NDUFAF6: variants seen among roughly 807,000 people sequenced by gnomAD.
NDUFAF6 encodes the protein NADH dehydrogenase (ubiquinone) complex I, assembly factor 6.
A neutral mutation model predicts 40.8 loss-of-function variants in NDUFAF6; 45 were observed. The ratio of observed to expected loss-of-function variants is 1.10; its 90% CI spans 0.87 to 1.42. The LOEUF (loss-of-function observed/expected upper bound fraction) is 1.42. Ranked by LOEUF, NDUFAF6 falls within the 40% of genes most tolerant of loss-of-function variation. The pLI is 0.00. For missense variants in NDUFAF6, 435 were observed against 418.5 expected, an observed-to-expected ratio of 1.04 and a Z score of -0.34; for synonymous variants, 185 against 155.9, an observed-to-expected ratio of 1.19 and a Z score of -1.39.
intron 8 of NDUFAF6, 30 bp from the exon 9 acceptor site, chr8:95,057,779 A>G (rs1311874837): frequency 1.3e-6 from 2 of 1,518,330 alleles, no homozygotes; most frequent in Admixed American, 1.8e-5. Flanking sequence ...TCATTTTATG[A>G]TCTGGTGATC....
chr8:95,037,021 A>G (rs1008478781), intron 3 of NDUFAF6, among the ~76,000 whole-genome samples: 6 of 152,220 alleles, frequency 3.9e-5, no homozygotes, highest in African/African-American at 1.4e-4. Context: ...GATTAAATAG[A>G]GGGAACAATG....
intron 1 of NDUFAF6, among the ~76,000 whole-genome samples, chr8:94,898,381 C>G (rs187553456): frequency 6.6e-6 from 1 of 152,268 alleles, no homozygotes; most frequent in African/African-American, 2.4e-5. Flanking sequence ...ATGACCTTAA[C>G]AGTTTTGAGG....
intron 1 of NDUFAF6, among the ~76,000 whole-genome samples, chr8:94,976,492 A>G (rs1359662783): frequency 9.2e-6 from 1 of 108,746 alleles, no homozygotes; most frequent in Non-Finnish European, 1.9e-5. Flanking sequence ...ACAGAGCAAC[A>G]CTCCATCTCA....
intron 1 of NDUFAF6, among the ~76,000 whole-genome samples, chr8:94,944,707 T>C (rs1010704360): frequency 2.6e-5 from 4 of 152,168 alleles, no homozygotes; most frequent in African/African-American, 9.7e-5. Context: ...AGAATGGAGT[T>C]CCTGGGGAGG....
At chr8:95,056,180 AT>A (rs1353995357) in intron 8 of NDUFAF6, among the ~76,000 whole-genome samples, 1 of 151,370 alleles carries the variant, frequency 6.6e-6, no homozygotes, top group African/African-American at 2.4e-5. Flanking sequence ...TAATATTAAT[AT>A]TTCATTGTAC....
chr8:95,043,065 T>G (rs1830316780), intron 4 of NDUFAF6, among the ~76,000 whole-genome samples: 1 of 151,854 alleles, frequency 6.6e-6, no homozygotes. Context: ...TCTTAATGAC[T>G]TTTAGGTTAG....
chr8:94,897,660 A>C (rs545000692), intron 1 of NDUFAF6, among the ~76,000 whole-genome samples: 116 of 147,546 alleles, frequency 7.9e-4, no homozygotes, highest in Non-Finnish European at 1.6e-3. Flanking sequence ...GCACAGGCTT[A>C]AAAAAAAAAA....
chr8:94,964,305 T>G (rs973033443), intron 1 of NDUFAF6, among the ~76,000 whole-genome samples: 1 of 151,986 alleles, frequency 6.6e-6, no homozygotes, highest in African/African-American at 2.4e-5. Flanking sequence ...GGCACATGCC[T>G]GTAGTCCCAG....
intron 9 of NDUFAF6, chr8:95,067,784 T>A (rs1023069412): frequency 6.6e-6 from 1 of 152,006 alleles, no homozygotes; most frequent in African/African-American, 2.4e-5. Context: ...GGGACTGCCT[T>A]GTTACAGCTG....
intron 7 of NDUFAF6, among the ~76,000 whole-genome samples, chr8:95,050,784 T>C (rs1831337526): frequency 6.6e-6 from 1 of 152,168 alleles, no homozygotes; most frequent in Non-Finnish European, 1.5e-5. Context: ...TAGATGTTTA[T>C]GTGTATATAC....
At chr8:94,943,816 A>C (rs1176467428) in intron 1 of NDUFAF6, among the ~76,000 whole-genome samples, 1 of 152,202 alleles carries the variant, frequency 6.6e-6, no homozygotes, top group African/African-American at 2.4e-5. Context: ...GGTAAACAGG[A>C]AGTGTCACTT....
intron 2 of NDUFAF6, among the ~76,000 whole-genome samples, chr8:95,101,731 C>T (rs1809655687): frequency 6.6e-6 from 1 of 152,114 alleles, no homozygotes; most frequent in African/African-American, 2.4e-5. Context: ...TTGTTCATTC[C>T]CCTTTTGTGG....
intron 2 of NDUFAF6, among the ~76,000 whole-genome samples, chr8:94,992,650 A>C (rs937598141): frequency 1.3e-5 from 2 of 152,186 alleles, no homozygotes; most frequent in African/African-American, 4.8e-5. Flanking sequence ...TCAATTAATA[A>C]TTGTTAAATC....
intron 4 of NDUFAF6, among the ~76,000 whole-genome samples, chr8:95,110,088 C>T (rs1390545930): frequency 6.6e-6 from 1 of 152,196 alleles, no homozygotes; most frequent in Admixed American, 6.5e-5. Context: ...AATAATGGTG[C>T]TCTTAGTCCT....
At chr8:95,117,002 T>C (rs1394496868), downstream of NDUFAF6, among the ~76,000 whole-genome samples, 3 of 152,208 alleles carry the variant, frequency 2.0e-5, no homozygotes, top group African/African-American at 7.2e-5. Flanking sequence ...TGTTTCCTTG[T>C]TCATGACAGC....
chr8:94,897,001 C>A (rs1295431149), intron 1 of NDUFAF6, among the ~76,000 whole-genome samples: 1 of 152,162 alleles, frequency 6.6e-6, no homozygotes, highest in East Asian at 1.9e-4. Context: ...GCAGAAGTTG[C>A]CTCCCTTTTG....
chr8:94,923,846 A>AT (rs35262371), intron 1 of NDUFAF6, among the ~76,000 whole-genome samples: 111,898 of 143,414 alleles, frequency 0.78, 44,872 homozygotes, highest in East Asian at 0.89. Context: ...CGCCCGACTA[A>AT]TTTTTTTTTT....
At chr8:95,099,972 T>A (rs187947475), upstream of NDUFAF6, among the ~76,000 whole-genome samples, 1 of 152,200 alleles carries the variant, frequency 6.6e-6, no homozygotes, top group Admixed American at 6.5e-5. Flanking sequence ...TGCGCAGGTG[T>A]GTCTAGGCTC....
chr8:95,081,556 G>T (rs1014201867), intron 2 of NDUFAF6, among the ~76,000 whole-genome samples: 2 of 152,140 alleles, frequency 1.3e-5, no homozygotes, highest in Non-Finnish European at 2.9e-5. Context: ...CTGATTGGTG[G>T]CCTTAATGAT....
Sources: gnomAD v4.1 joint callset for allele counts (sites outside exome capture counted in the v4.1 genomes callset) on GRCh38, gnomAD v4.1.1 for gene constraint, MANE v1.5 for transcripts, NCBI Gene and HGNC (gene_info 2026-07-23, HGNC 2026-07-21) for gene names.